Variants in COPG2 observed in about 807,000 individuals in gnomAD.
The protein encoded by COPG2 is coat protein complex I subunit gamma 2.
A neutral mutation model predicts 46.3 loss-of-function variants in COPG2; 37 were observed. The observed-to-expected ratio is 0.80, with a 90% CI of 0.61 to 1.05. The LOEUF (loss-of-function observed/expected upper bound fraction) is 1.05. Ranked by LOEUF, COPG2 falls within the 50% of genes least tolerant of loss-of-function variation. The pLI, the probability that COPG2 is intolerant of heterozygous loss-of-function variation, is 0.00. For synonymous variants in COPG2, 159 were observed against 129.7 expected (o/e 1.23, Z -1.53); for missense variants, 427 against 387.8 (o/e 1.10, Z -0.85).
At chr7:130,544,667 T>A (rs1294736342) in intron 20 of COPG2, among the ~76,000 whole-genome samples, 2 of 152,132 alleles carry the variant, frequency 1.3e-5, no homozygotes, top group Non-Finnish European at 2.9e-5. Context: ...TGGTAGAATG[T>A]TGTGTATATA....
intron 9 of COPG2, among the ~76,000 whole-genome samples, chr7:130,592,686 C>G (rs1554449204): frequency 6.6e-6 from 1 of 152,164 alleles, no homozygotes; most frequent in Non-Finnish European, 1.5e-5. Context: ...ATATTAAATA[C>G]TTCCCTAACC....
intron 9 of COPG2, chr7:130,610,686 CTATATATCT>C (rs542510209): frequency 1.9e-4 from 113 of 596,198 alleles, no homozygotes; most frequent in South Asian, 1.7e-3. Flanking sequence ...ATTTAATTAT[CTATATATCT>C]TATGATCAAT....
intron 5 of COPG2, among the ~76,000 whole-genome samples, chr7:130,651,394 G>A (rs984365261): frequency 8.0e-5 from 12 of 149,216 alleles, no homozygotes; most frequent in African/African-American, 3.0e-4. Context: ...TCGGCTCACC[G>A]CAATCTCCAC....
intron 20 of COPG2, among the ~76,000 whole-genome samples, chr7:130,540,735 G>C (rs1176150717): frequency 6.6e-6 from 1 of 152,082 alleles, no homozygotes; most frequent in Non-Finnish European, 1.5e-5. Context: ...AATGGTCTAG[G>C]TGTGAAATGA....
At chr7:130,632,249 C>A (rs1430363247) in intron 5 of COPG2, among the ~76,000 whole-genome samples, 1 of 152,214 alleles carries the variant, frequency 6.6e-6, no homozygotes, top group Non-Finnish European at 1.5e-5. Flanking sequence ...TCTGAGTCAT[C>A]ACTTCCTTTC....
chr7:130,557,817 C>A (rs1375192529), intron 12 of COPG2, among the ~76,000 whole-genome samples: 5 of 12,238 alleles, frequency 4.1e-4, no homozygotes, highest in East Asian at 3.3e-3. Context: ...AACTCCATCT[C>A]AAAAAAAAAA....
At chr7:130,543,969 C>T (rs929425034) in intron 20 of COPG2, among the ~76,000 whole-genome samples, 65,433 of 151,994 alleles carry the variant, frequency 0.43, 17,116 homozygotes, top group East Asian at 0.6. Context: ...AAATCTCAGA[C>T]TGAGAATCCT....
At chr7:130,614,472 G>GTA (rs1431232491) in intron 6 of COPG2, among the ~76,000 whole-genome samples, 1 of 152,142 alleles carries the variant, frequency 6.6e-6, no homozygotes, top group African/African-American at 2.4e-5. Flanking sequence ...CCAAGCATGG[G>GTA]TATATAGCTA....
At chr7:130,543,674 A>G in intron 20 of COPG2, among the ~76,000 whole-genome samples, 1 of 152,294 alleles carries the variant, frequency 6.6e-6, no homozygotes, top group South Asian at 2.1e-4. Context: ...AATTTCAAGG[A>G]CAGATGAACA....
At chr7:130,646,986 T>TATATATATATGC (rs1554458345) in intron 5 of COPG2, among the ~76,000 whole-genome samples, 9 of 848 alleles carry the variant, frequency 0.011, no homozygotes, top group Non-Finnish European at 0.063. Context: ...TATATATGTA[T>TATATATATATGC]ATATATATAT....
chr7:130,658,743 C>T (rs545942712), intron 4 of COPG2, among the ~76,000 whole-genome samples: 2 of 151,818 alleles, frequency 1.3e-5, no homozygotes, highest in African/African-American at 2.4e-5. Flanking sequence ...TGCAGTGGCA[C>T]GATCTCAGCT....
chr7:130,512,324 C>A (rs1173693367), intron 20 of COPG2, among the ~76,000 whole-genome samples: 161 of 147,850 alleles, frequency 1.1e-3, no homozygotes, highest in African/African-American at 3.2e-3. Flanking sequence ...AAAAAAAAAA[C>A]AAAAAACAAC....
In COPG2 at chr7:130,508,675, G is replaced by A. The variant is rs555394599; in HGVS notation, c.2150-16C>T. ...GAGCCTGCAACTGGAGGAGAAGGGA[G>A]GCAAACCTGCATCAGTGGGGAGTGC... is the stretch of plus-strand genomic sequence containing the variant. On this transcript the variant is annotated splice_polypyrimidine_tract_variant and intron_variant, in intron 20 of 23. Transcript: ENST00000425248. 3 of 747,328 alleles carry A rather than the reference G, an allele frequency of 4.0e-6. No homozygotes were observed. Among genetic ancestry groups the A allele is most frequent in the Admixed American group, 1.9e-5 (1 of 53,146 alleles). 46.3% of individuals were successfully genotyped at this position (747,328 alleles called of 1,614,324 possible).
At chr7:130,632,911 C>A (rs1279501214) in intron 5 of COPG2, among the ~76,000 whole-genome samples, 4 of 152,090 alleles carry the variant, frequency 2.6e-5, no homozygotes, top group African/African-American at 9.7e-5. Flanking sequence ...CACCCCGAGA[C>A]AGGCCCCGGT....
rs151154268 is a variant in COPG2 at position 130,574,694 on chromosome 7, A to G, written c.738-10301T>C. ...AGTTCACCAGCAATGGATCTAAGCCAAGAAGAAATCCTTGATTTACCTGTA... is the reference window on the plus strand; with the variant it reads ...AGTTCACCAGCAATGGATCTAAGCCGAGAAGAAATCCTTGATTTACCTGTA... On this transcript the variant is annotated intron_variant, in intron 9 of 23. Coordinates refer to ENST00000425248, the MANE Select transcript of COPG2 (RefSeq NM_012133.6). 1.1e-4 allele frequency among the ~76,000 whole-genome samples: 17 copies of G among 152,352 alleles called. No homozygotes were observed. The East Asian group carries it at 2.3e-3, about 21-fold the overall frequency.
At chr7:130,647,330 C>T (rs1431191390) in intron 5 of COPG2, among the ~76,000 whole-genome samples, 1 of 152,160 alleles carries the variant, frequency 6.6e-6, no homozygotes, top group Non-Finnish European at 1.5e-5. Flanking sequence ...AGGCACTGTG[C>T]CTGGCCTCAG....
intron 9 of COPG2, chr7:130,608,091 CT>C (rs1323409690): frequency 4.0e-5 from 14 of 346,464 alleles, no homozygotes; most frequent in Non-Finnish European, 6.8e-5. Context: ...TTTATCTTCT[CT>C]GTTGACATTT....
rs564291609 is a variant in COPG2 at position 130,512,502 on chromosome 7, G to A, written c.2150-3843C>T. ...CTATTTCTGTAGAGATGGTAAGGCC[G>A]GGTGCAGTGGCTCACACTTGTAATT... On this transcript the variant is annotated intron_variant, in intron 20 of 23. Transcript: ENST00000425248. Among the ~76,000 whole-genome samples, 14 of 151,982 alleles carry A rather than the reference G, an allele frequency of 9.2e-5. No homozygotes were observed. In the East Asian group the frequency reaches 2.3e-3, roughly 25 times the overall value.
At chr7:130,644,537 A>G (rs1225881867) in intron 5 of COPG2, among the ~76,000 whole-genome samples, 4 of 152,202 alleles carry the variant, frequency 2.6e-5, no homozygotes, top group African/African-American at 9.6e-5. Context: ...TCCATCTACC[A>G]TTTAAGTAGA....
Sources: allele counts gnomAD v4.1 joint callset (sites outside exome capture counted in the v4.1 genomes callset), GRCh38; gene constraint gnomAD v4.1.1; transcripts MANE v1.5; gene names NCBI Gene and HGNC (gene_info 2026-07-23, HGNC 2026-07-21).